The following EML4 variants were observed in gnomAD, a reference collection of about 807,000 sequenced individuals.
EML4 encodes echinoderm microtubule-associated protein-like 4.
Under a neutral mutation model 129.0 loss-of-function variants are expected in EML4, and 72 were observed. That is an observed-to-expected ratio of 0.56 (90% CI 0.46 to 0.68). The LOEUF (loss-of-function observed/expected upper bound fraction) is 0.68, where lower values mean the gene tolerates loss of function less well. EML4 is among the 30% of genes least tolerant of loss of function. The pLI, the probability that EML4 is intolerant of heterozygous loss-of-function variation, is 0.00. For synonymous variants in EML4, 532 were observed against 405.0 expected (o/e 1.31, Z -3.77); for missense variants, 1,363 against 1,190.6 (o/e 1.14, Z -2.13).
intron 20 of EML4, 125 bp from the exon 21 acceptor site, chr2:42,326,029 T>C: frequency 7.8e-7 from 1 of 1,282,072 alleles, no homozygotes; most frequent in Non-Finnish European, 1.0e-6. Context: ...TTTAAATGTG[T>C]CTTAATGTTT....
intron 2 of EML4, among the ~76,000 whole-genome samples, chr2:42,246,376 G>C (rs1675403095): frequency 6.6e-6 from 1 of 152,156 alleles, no homozygotes. Flanking sequence ...TAGAGTATAT[G>C]GGGATAGGCG....
chr2:42,317,437 C>A lies in EML4; in HGVS notation c.2067C>A (p.Phe689Leu). The A allele has an allele frequency of 6.2e-7, 1 of 1,609,216 alleles. No homozygotes were observed. The highest frequency in any genetic ancestry group is 1.1e-5 in the South Asian group (1 of 90,680). Residue 689 changes from phenylalanine to leucine, a missense_variant, in exon 19 of 23, where the codon TTC (phenylalanine) becomes TTA (leucine). Transcript: ENST00000318522. ...SVMRYSIDGT[F>L]LAVGSHDNFI... is the part of the protein sequence containing the mutation. ...CCTATTTTATTCTAGATGGTACCTT[C>A]CTGGCTGTAGGATCTCATGACAACT...
intron 1 of EML4, among the ~76,000 whole-genome samples, chr2:42,233,305 CTTTCTTTTT>C (rs948014066): frequency 2.3e-4 from 34 of 146,692 alleles, no homozygotes; most frequent in African/African-American, 8.2e-4. Context: ...TTACAGGTTT[CTTTCTTTTT>C]TTTTTTTTTT....
rs187556655 is a variant in EML4 at position 42,183,223 on chromosome 2, G to T, written c.25+13587G>T. 9.9e-4 allele frequency among the ~76,000 whole-genome samples: 151 copies of T among 152,264 alleles called. 1 individual carries two copies. Among genetic ancestry groups the T allele is most frequent in the African/African-American group, 3.5e-3 (145 of 41,544 alleles). The stretch of plus-strand genomic sequence containing the variant: ...TTATTAAGTAAATGCTACATGCCAG[G>T]CATTGTTTTCATACTGGGAATATGT... On this transcript the variant is annotated intron_variant, in intron 1 of 22. Transcript: ENST00000318522.
chr2:42,261,021 G>A, intron 3 of EML4, 100 bp from the exon 4 acceptor site: 1 of 878,878 alleles, frequency 1.1e-6, no homozygotes, highest in Admixed American at 2.4e-5. Flanking sequence ...TTAGCTGTAT[G>A]ACTTAGGGTT....
At chr2:42,227,195 G>T (rs774090295) in intron 1 of EML4, among the ~76,000 whole-genome samples, 1 of 151,924 alleles carries the variant, frequency 6.6e-6, no homozygotes, top group Non-Finnish European at 1.5e-5. Flanking sequence ...CTGCAGCCTT[G>T]ACCTCCCAGA....
intron 1 of EML4, among the ~76,000 whole-genome samples, chr2:42,175,132 A>G (rs1670526712): frequency 6.6e-6 from 1 of 150,818 alleles, no homozygotes; most frequent in Non-Finnish European, 1.5e-5. Flanking sequence ...TTTGTTTTTG[A>G]GACGGAGTCT....
chr2:42,220,392 A>G lies in EML4; in HGVS notation c.26-25113A>G, dbSNP rs932525550. On this transcript the variant is annotated intron_variant, in intron 1 of 22. Coordinates refer to ENST00000318522, the MANE Select transcript of EML4 (RefSeq NM_019063.5). ...TATTTCAAACTTTTTCACTATTATT[A>G]TATCTCTTACGGTGACCTGTGATCC... is the stretch of plus-strand genomic sequence containing the variant. Among the ~76,000 whole-genome samples, 6 of 152,108 alleles carry G rather than the reference A, an allele frequency of 3.9e-5. No homozygotes were observed. In the South Asian group the frequency reaches 6.2e-4, roughly 16 times the overall value.
At chr2:42,197,360 C>T (rs1005161322) in intron 1 of EML4, among the ~76,000 whole-genome samples, 7 of 151,986 alleles carry the variant, frequency 4.6e-5, no homozygotes, top group Admixed American at 3.9e-4. Context: ...CACCACGCCC[C>T]ATCTTTTAAA....
intron 21 of EML4, among the ~76,000 whole-genome samples, chr2:42,327,992 C>A (rs1669899390): frequency 6.6e-6 from 1 of 152,018 alleles, no homozygotes; most frequent in Non-Finnish European, 1.5e-5. Flanking sequence ...GCCTAATAGG[C>A]CAGGAAGGAA....
intron 21 of EML4, 48 bp from the exon 22 acceptor site, chr2:42,328,836 TTA>T (rs1224162255): frequency 6.7e-7 from 1 of 1,483,732 alleles, no homozygotes; most frequent in Non-Finnish European, 9.2e-7. Context: ...AGCATCACAG[TTA>T]TATTTCTTCA....
chr2:42,275,131 A>C (rs1024570096), intron 6 of EML4, among the ~76,000 whole-genome samples: 2 of 152,206 alleles, frequency 1.3e-5, no homozygotes, highest in African/African-American at 2.4e-5. Context: ...TTTCTAGTCA[A>C]ATTTTTAAAA....
intron 17 of EML4, among the ~76,000 whole-genome samples, chr2:42,314,556 GT>G (rs551296353): frequency 6.6e-6 from 1 of 152,142 alleles, no homozygotes; most frequent in Non-Finnish European, 1.5e-5. Context: ...GTCTTGTCCT[GT>G]TTTTTCCATC....
At chr2:42,223,477 G>A (rs914554228) in intron 1 of EML4, among the ~76,000 whole-genome samples, 4 of 152,052 alleles carry the variant, frequency 2.6e-5, no homozygotes, top group Admixed American at 6.6e-5. Context: ...GAAGTTTAAC[G>A]ATTATCTCTG....
chr2:42,170,849 C>CTA (rs1670230557), intron 1 of EML4, among the ~76,000 whole-genome samples: 1 of 152,200 alleles, frequency 6.6e-6, no homozygotes, highest in Non-Finnish European at 1.5e-5. Context: ...ATAGGCCGTA[C>CTA]TATATCCAGA....
At chr2:42,260,815 G>A (rs980247200) in intron 3 of EML4, among the ~76,000 whole-genome samples, 2 of 152,178 alleles carry the variant, frequency 1.3e-5, no homozygotes, top group Non-Finnish European at 2.9e-5. Context: ...CTTGAGGTCA[G>A]TTAAGAGACC....
chr2:42,219,504 A>C (rs1354800311), intron 1 of EML4, among the ~76,000 whole-genome samples: 1 of 152,074 alleles, frequency 6.6e-6, no homozygotes, highest in Non-Finnish European at 1.5e-5. Context: ...TCTACATTTA[A>C]TTTTTCTTTT....
chr2:42,297,811 A>G (rs1668045668), intron 13 of EML4, among the ~76,000 whole-genome samples: 1 of 152,234 alleles, frequency 6.6e-6, no homozygotes, highest in South Asian at 2.1e-4. Flanking sequence ...TGGCAGAAGT[A>G]TAATTTCACA....
intron 11 of EML4, 36 bp downstream of exon 11, chr2:42,288,358 G>A (rs1429368752): frequency 1.8e-5 from 19 of 1,065,764 alleles, no homozygotes; most frequent in Non-Finnish European, 2.6e-5. Context: ...GTGTTTTAGA[G>A]TACGTTACTT....
Sources: gnomAD v4.1 joint callset for allele counts (sites outside exome capture counted in the v4.1 genomes callset) on GRCh38, gnomAD v4.1.1 for gene constraint, MANE v1.5 for transcripts, NCBI Gene and HGNC (gene_info 2026-07-23, HGNC 2026-07-21) for gene names.